Variants in IL1RAPL1 observed in about 807,000 individuals in gnomAD.
IL1RAPL1 encodes the protein interleukin-1 receptor accessory protein-like 1.
In IL1RAPL1, 3 loss-of-function variants were observed where a neutral mutation model predicts 48.4. That is an observed-to-expected ratio of 0.06 (90% CI 0.03 to 0.16). The LOEUF is 0.16. Among genes scored for constraint, IL1RAPL1 ranks in the 10% least tolerant of loss-of-function variants. IL1RAPL1 has a pLI of 1.00. For missense variants in IL1RAPL1, 349 were observed against 530.6 expected (o/e 0.66, Z 3.36); for synonymous variants, 185 against 187.7 (o/e 0.99, Z 0.12).
At chrX:29,326,986 T>C (rs1932846682) in intron 3 of IL1RAPL1, among the ~76,000 whole-genome samples, 1 of 112,108 alleles carries the variant, frequency 8.9e-6, no homozygotes, top group Non-Finnish European at 1.9e-5. Flanking sequence ...GAAGGTTGTA[T>C]GTAATCTGAA....
At chrX:28,897,900 G>A (rs1922971621) in intron 2 of IL1RAPL1, among the ~76,000 whole-genome samples, 1 of 111,184 alleles carries the variant, frequency 9.0e-6, no homozygotes, top group Admixed American at 9.5e-5. Flanking sequence ...TTCTCTGGCG[G>A]GCAGGAGTGG....
intron 1 of IL1RAPL1, among the ~76,000 whole-genome samples, chrX:28,725,679 A>G (rs1049568327): frequency 8.4e-4 from 94 of 112,374 alleles, no homozygotes; most frequent in East Asian, 8.4e-4. Context: ...GCAAATTTCA[A>G]TCTCTTTGTG....
intron 5 of IL1RAPL1, among the ~76,000 whole-genome samples, chrX:29,572,806 T>C (rs1922636612): frequency 8.9e-6 from 1 of 112,509 alleles, no homozygotes. Flanking sequence ...TAGAAAATAC[T>C]ATGACAGCAG....
chrX:28,616,529 G>A (rs1934220746), intron 1 of IL1RAPL1, among the ~76,000 whole-genome samples: 1 of 110,000 alleles, frequency 9.1e-6, no homozygotes, highest in Non-Finnish European at 1.9e-5. Context: ...CACCTCCCAG[G>A]TTCAAGGGAG....
At position 29,073,194 on chromosome X, in the gene IL1RAPL1, T is replaced by G. The variant is rs1471068145; in HGVS notation, c.83-209744T>G. On this transcript the variant is annotated intron_variant, in intron 2 of 10. Transcript: ENST00000378993. ...AAAAGAAATAAATCATATTCTTAAG[T>G]TTTCAAAAATCTTAATCATATTACA... Among the ~76,000 whole-genome samples, 4 of 112,261 alleles carry G rather than the reference T, an allele frequency of 3.6e-5. No individual in the cohort carries two copies. In the East Asian group the frequency reaches 1.1e-3, roughly 31 times the overall value.
intron 3 of IL1RAPL1, among the ~76,000 whole-genome samples, chrX:29,380,803 A>G (rs1933687471): frequency 8.9e-6 from 1 of 111,908 alleles, no homozygotes; most frequent in South Asian, 3.7e-4. Flanking sequence ...TAGCAAGGAC[A>G]AAATCCTAGG....
intron 3 of IL1RAPL1, among the ~76,000 whole-genome samples, chrX:29,331,860 G>C (rs180968594): frequency 9.0e-6 from 1 of 110,977 alleles, no homozygotes; most frequent in East Asian, 2.8e-4. Context: ...TTGACTTCTT[G>C]CAGCCTTAAC....
intron 3 of IL1RAPL1, among the ~76,000 whole-genome samples, chrX:29,371,914 G>T (rs911088945): frequency 4.5e-5 from 5 of 112,005 alleles, no homozygotes; most frequent in Admixed American, 3.8e-4. Context: ...AAGTGCATGT[G>T]TCTTTTTGGT....
intron 5 of IL1RAPL1, among the ~76,000 whole-genome samples, chrX:29,451,235 T>TGGAGTGC (rs1201023992): frequency 9.2e-6 from 1 of 108,772 alleles, no homozygotes; most frequent in African/African-American, 3.4e-5. Flanking sequence ...TTGCCCAGAC[T>TGGAGTGC]GGAGTGCAGA....
intron 1 of IL1RAPL1, among the ~76,000 whole-genome samples, chrX:28,709,758 T>C (rs777194704): frequency 9.0e-6 from 1 of 110,964 alleles, no homozygotes; most frequent in African/African-American, 3.3e-5. Flanking sequence ...ATGTAGGAGG[T>C]TAGTTGATGG....
At chrX:28,768,786 CTATA>C (rs1157262673) in intron 1 of IL1RAPL1, among the ~76,000 whole-genome samples, 1 of 64,642 alleles carries the variant, frequency 1.5e-5, no homozygotes, top group African/African-American at 5.5e-5. Flanking sequence ...TATACACACA[CTATA>C]TATATACAGA....
At chrX:29,678,903 T>A (rs1293830425) in intron 6 of IL1RAPL1, among the ~76,000 whole-genome samples, 4 of 111,199 alleles carry the variant, frequency 3.6e-5, no homozygotes, top group Non-Finnish European at 7.5e-5. Flanking sequence ...AGCCAGGAAG[T>A]TGCTTAAGAG....
chrX:29,683,462 T>C (rs1926523271), intron 6 of IL1RAPL1, among the ~76,000 whole-genome samples: 1 of 112,217 alleles, frequency 8.9e-6, no homozygotes, highest in African/African-American at 3.2e-5. Flanking sequence ...TAATTTATCT[T>C]TGCTTTGAGA....
At chrX:29,359,003 A>G (rs1027197562) in intron 3 of IL1RAPL1, among the ~76,000 whole-genome samples, 3 of 109,568 alleles carry the variant, frequency 2.7e-5, no homozygotes, top group Non-Finnish European at 5.7e-5. Flanking sequence ...AGCTTGGGCA[A>G]CAGAGTGAGA....
chrX:29,129,039 C>CTTTT (rs62772160), intron 2 of IL1RAPL1, among the ~76,000 whole-genome samples: 15 of 62,355 alleles, frequency 2.4e-4, no homozygotes, highest in African/African-American at 5.1e-4. Flanking sequence ...TACCTAGAAT[C>CTTTT]TTTTTTTTTT....
chrX:29,209,265 TACAA>T (rs1023784981), intron 2 of IL1RAPL1, among the ~76,000 whole-genome samples: 2 of 112,512 alleles, frequency 1.8e-5, no homozygotes, highest in African/African-American at 3.2e-5. Context: ...TCCTCCCCAG[TACAA>T]ACATTGTGTT....
intron 2 of IL1RAPL1, among the ~76,000 whole-genome samples, chrX:29,141,125 A>T (rs1268113267): frequency 2.7e-5 from 3 of 110,888 alleles, no homozygotes; most frequent in Non-Finnish European, 3.8e-5. Context: ...ACAGACACAT[A>T]TTGAAAGACT....
chrX:29,416,592 A>G (rs1476356898), intron 5 of IL1RAPL1, among the ~76,000 whole-genome samples: 1 of 111,779 alleles, frequency 8.9e-6, no homozygotes, highest in African/African-American at 3.3e-5. Flanking sequence ...CCATAATAAG[A>G]TGTTAAGTAC....
rs868143683 is a variant in IL1RAPL1, at chrX:29,803,351, A to G, written c.779-114113A>G. ...CATGTATACACATATGTATATATGT[A>G]TACATGTATACACATATGTATATAT... On this transcript the variant is annotated intron_variant, in intron 6 of 10. Coordinates refer to ENST00000378993, the MANE Select transcript of IL1RAPL1 (RefSeq NM_014271.4). 1.6e-3 allele frequency among the ~76,000 whole-genome samples: 133 copies of G among 82,202 alleles called. 8 individuals carry two copies. Among genetic ancestry groups the G allele is most frequent in the East Asian group, 0.015 (35 of 2,335 alleles). The allele number at this position is 82,202 out of a possible 115,157, so 71.4% of individuals were successfully genotyped here. A position where few individuals can be genotyped will look rare whatever the true frequency, so the allele number is the denominator to read the frequency against.
Sources: allele counts gnomAD v4.1 joint callset (sites outside exome capture counted in the v4.1 genomes callset), GRCh38; gene constraint gnomAD v4.1.1; transcripts MANE v1.5; gene names NCBI Gene and HGNC (gene_info 2026-07-23, HGNC 2026-07-21).